The following CREB5 variants were observed in gnomAD, a reference collection of about 807,000 sequenced individuals.
CREB5 encodes cAMP responsive element binding protein 5, also known as cyclic AMP-responsive element-binding protein 5.
In CREB5, 19 loss-of-function variants were observed where a neutral mutation model predicts 57.1. That is an observed-to-expected ratio of 0.33 (90% CI 0.23 to 0.49). The LOEUF is 0.49. CREB5 is among the 20% of genes least tolerant of loss of function. CREB5 has a pLI of 0.99. For missense variants in CREB5, 579 were observed against 671.6 expected (o/e 0.86, Z 1.52); for synonymous variants, 238 against 238.3 (o/e 1.00, Z 0.01).
chr7:28,393,160 C>G (rs1274616630), intron 1 of CREB5, among the ~76,000 whole-genome samples: 1 of 152,204 alleles, frequency 6.6e-6, no homozygotes, highest in Admixed American at 6.5e-5. Flanking sequence ...CTCCTCACCT[C>G]AGGTGATCCA....
In CREB5 at chr7:28,822,155, A is replaced by G. The variant is rs552785061; in HGVS notation, c.*2876A>G. On this transcript the variant is annotated 3_prime_UTR_variant, in exon 11 of 11. Coordinates refer to ENST00000357727, the MANE Select transcript of CREB5 (RefSeq NM_182898.4). ...CACATTAGCAAACCGGCCTCAACATATAATTAGAATAAACTGTCTTCTTGT... is the reference window on the plus strand; with the variant it reads ...CACATTAGCAAACCGGCCTCAACATGTAATTAGAATAAACTGTCTTCTTGT... The G allele has an allele frequency of 1.3e-5, 2 of 152,334 alleles. No homozygotes were observed. Among genetic ancestry groups the G allele is most frequent in the African/African-American group, 2.4e-5 (1 of 41,574 alleles). 9.4% of individuals were successfully genotyped at this position (152,334 alleles called of 1,614,324 possible). A position where few individuals can be genotyped will look rare whatever the true frequency, so the allele number is the denominator to read the frequency against.
At chr7:28,342,855 G>C (rs1252120057) in intron 1 of CREB5, among the ~76,000 whole-genome samples, 1 of 152,172 alleles carries the variant, frequency 6.6e-6, no homozygotes, top group Non-Finnish European at 1.5e-5. Flanking sequence ...ATCAAATCAG[G>C]GTAGTTAGCA....
At chr7:28,424,483 G>A (rs1217680853) in intron 1 of CREB5, among the ~76,000 whole-genome samples, 2 of 152,206 alleles carry the variant, frequency 1.3e-5, no homozygotes, top group Non-Finnish European at 2.9e-5. Flanking sequence ...GGATCCATAT[G>A]TTAATTACCA....
intron 1 of CREB5, among the ~76,000 whole-genome samples, chr7:28,485,434 G>C (rs1263499209): frequency 6.6e-6 from 1 of 151,896 alleles, no homozygotes; most frequent in Non-Finnish European, 1.5e-5. Context: ...AAATAAAATA[G>C]TACTTTATAT....
intron 5 of CREB5, among the ~76,000 whole-genome samples, chr7:28,602,512 G>A (rs1007042760): frequency 1.3e-5 from 2 of 152,086 alleles, no homozygotes; most frequent in African/African-American, 2.4e-5. Context: ...TTCATGTCAT[G>A]GAATATTATT....
At chr7:28,329,118 A>G (rs17641777) in intron 1 of CREB5, among the ~76,000 whole-genome samples, 4,103 of 152,332 alleles carry the variant, frequency 0.027, 122 homozygotes, top group African/African-American at 0.074. Flanking sequence ...AAAGCTGAGA[A>G]TCAGTTTCTG....
At chr7:28,320,352 C>G (rs1249956632) in intron 1 of CREB5, among the ~76,000 whole-genome samples, 1 of 152,106 alleles carries the variant, frequency 6.6e-6, no homozygotes, top group Non-Finnish European at 1.5e-5. Context: ...TACAGGGAAT[C>G]TAGGGGCCGT....
chr7:28,491,258 G>C, intron 2 of CREB5: 1 of 985,448 alleles, frequency 1.0e-6, no homozygotes, highest in Non-Finnish European at 1.2e-6. Context: ...CAGTGAGACA[G>C]AAGGGGTGAG....
intron 5 of CREB5, among the ~76,000 whole-genome samples, chr7:28,673,765 T>G (rs953824838): frequency 1.1e-4 from 16 of 146,356 alleles, no homozygotes; most frequent in African/African-American, 4.0e-4. Flanking sequence ...CTCCACCTAC[T>G]TAGGCTCAAG....
chr7:28,348,626 T>G (rs1786123934), intron 1 of CREB5, among the ~76,000 whole-genome samples: 1 of 152,172 alleles, frequency 6.6e-6, no homozygotes, highest in Non-Finnish European at 1.5e-5. Flanking sequence ...ATGCCCAATC[T>G]GGCAGCAAAA....
At chr7:28,643,457 C>T (rs1798760265) in intron 5 of CREB5, among the ~76,000 whole-genome samples, 1 of 152,156 alleles carries the variant, frequency 6.6e-6, no homozygotes, top group Non-Finnish European at 1.5e-5. Flanking sequence ...TGCCCTGTTC[C>T]CATAGTAACC....
intron 5 of CREB5, among the ~76,000 whole-genome samples, chr7:28,686,992 G>A (rs1583548246): frequency 6.6e-6 from 1 of 151,868 alleles, no homozygotes; most frequent in Admixed American, 6.6e-5. Context: ...GGGGTTGGGG[G>A]GGCGATTTTT....
At chr7:28,519,485 A>C (rs1793114581) in intron 4 of CREB5, among the ~76,000 whole-genome samples, 1 of 151,998 alleles carries the variant, frequency 6.6e-6, no homozygotes, top group Non-Finnish European at 1.5e-5. Flanking sequence ...GGCGTCACTG[A>C]TTTACCCATA....
intron 5 of CREB5, among the ~76,000 whole-genome samples, chr7:28,703,270 A>T (rs1801953616): frequency 2.0e-5 from 3 of 152,126 alleles, no homozygotes; most frequent in South Asian, 2.1e-4. Flanking sequence ...AAGTGGATAC[A>T]CTCCAGGTCT....
chr7:28,335,585 G>A (rs114980073), intron 1 of CREB5, among the ~76,000 whole-genome samples: 247 of 151,788 alleles, frequency 1.6e-3, no homozygotes, highest in African/African-American at 5.8e-3. Context: ...ACTTCTAGTA[G>A]TTTTCTTTTT....
chr7:28,734,044 G>A lies in CREB5; in HGVS notation c.702+9712G>A, dbSNP rs998780349. On this transcript the variant is annotated intron_variant, in intron 7 of 10. Coordinates refer to ENST00000357727, the MANE Select transcript of CREB5 (RefSeq NM_182898.4). ...CCAGATATCTACGTTGGTACCTGGG[G>A]GCTCTGCCAGCCACAGTCAAGTGCA... Among the ~76,000 whole-genome samples the A allele has an allele frequency of 5.3e-5, 8 of 151,838 alleles. No homozygotes were observed. The South Asian group carries it at 1.7e-3, about 32-fold the overall frequency.
At chr7:28,427,175 T>C (rs996132436) in intron 1 of CREB5, among the ~76,000 whole-genome samples, 2 of 152,228 alleles carry the variant, frequency 1.3e-5, no homozygotes, top group African/African-American at 4.8e-5. Flanking sequence ...TTTTTCATTT[T>C]TACATTCTCT....
At chr7:28,679,608 A>C (rs1464428037) in intron 5 of CREB5, among the ~76,000 whole-genome samples, 3 of 151,988 alleles carry the variant, frequency 2.0e-5, no homozygotes, top group African/African-American at 7.3e-5. Context: ...CTCTGCCTCT[A>C]CTCCAACCCT....
chr7:28,550,005 C>G (rs183718580), intron 4 of CREB5, among the ~76,000 whole-genome samples: 372 of 152,234 alleles, frequency 2.4e-3, no homozygotes, highest in Non-Finnish European at 2.6e-3. Flanking sequence ...TCTGAAGAAG[C>G]CTCATGACAT....
Sources: allele counts gnomAD v4.1 joint callset (sites outside exome capture counted in the v4.1 genomes callset), GRCh38; gene constraint gnomAD v4.1.1; transcripts MANE v1.5; gene names NCBI Gene and HGNC (gene_info 2026-07-23, HGNC 2026-07-21).